NNT: variants seen among roughly 807,000 people sequenced by gnomAD.
NNT encodes the protein NAD(P) transhydrogenase, mitochondrial.
Under a neutral mutation model 104.8 loss-of-function variants are expected in NNT, and 50 were observed. The observed-to-expected ratio is 0.48, with a 90% CI of 0.38 to 0.60. The LOEUF (loss-of-function observed/expected upper bound fraction) is 0.60. NNT is among the 20% of genes least tolerant of loss of function. NNT has a pLI of 0.00. For missense variants in NNT, 1,131 were observed against 1,330.7 expected (o/e 0.85, Z 2.33); for synonymous variants, 461 against 490.4 (o/e 0.94, Z 0.79).
chr5:43,613,247 CAG>C, intron 3 of NNT, 110 bp downstream of exon 3: 1 of 844,334 alleles, frequency 1.2e-6, no homozygotes, highest in African/African-American at 1.7e-5. Context: ...TATTTTCAAA[CAG>C]TGTATTTTTC....
Position 43,677,854 on chromosome 5 carries a change from T to C in NNT, c.2876+48T>C, listed in dbSNP as rs377216850. The C allele has an allele frequency of 1.5e-5, 22 of 1,456,372 alleles. No homozygotes were observed. In the African/African-American group the frequency reaches 2.9e-4, roughly 19 times the overall value. The allele number at this position is 1,456,372 out of a possible 1,614,324, so 90.2% of individuals were successfully genotyped here. ...CTTGCACTATGTGTAAAGATGTGTG[T>C]GTGGAGAAAAGGAAATACAGTGGAC... is the stretch of plus-strand genomic sequence containing the variant. On this transcript the variant is annotated intron_variant, in intron 19 of 21. Transcript: ENST00000344920.
At chr5:43,609,820 G>T (rs535897738) in intron 2 of NNT, among the ~76,000 whole-genome samples, 17 of 152,168 alleles carry the variant, frequency 1.1e-4, no homozygotes, top group Non-Finnish European at 2.5e-4. Flanking sequence ...CTCCTAGTAG[G>T]TATAGGTCAG....
intron 2 of NNT, among the ~76,000 whole-genome samples, chr5:43,612,496 G>A (rs1749552890): frequency 6.6e-6 from 1 of 152,200 alleles, no homozygotes; most frequent in Admixed American, 6.5e-5. Flanking sequence ...CTAGGATACA[G>A]TTGTTCTTCA....
chr5:43,649,388 T>C, intron 11 of NNT, 80 bp downstream of exon 11: 1 of 1,495,244 alleles, frequency 6.7e-7, no homozygotes, highest in Non-Finnish European at 9.2e-7. Context: ...ATGCCGTTTA[T>C]AAAGTGTGTT....
chr5:43,604,316 A>G lies in NNT; in HGVS notation c.-54+1022A>G, dbSNP rs142839934. 1.0e-3 allele frequency among the ~76,000 whole-genome samples: 158 copies of G among 152,232 alleles called. 1 individual carries two copies. Among genetic ancestry groups the G allele is most frequent in the South Asian group, 2.1e-3 (10 of 4,818 alleles). On this transcript the variant is annotated intron_variant, in intron 1 of 21. Coordinates refer to ENST00000344920, the MANE Select transcript of NNT (RefSeq NM_182977.3). The stretch of plus-strand genomic sequence containing the variant: ...GCTTAGGTGCCTACCTACTCTTCTT[A>G]TTTAAAGTGTGCCCCTTTTCTTCAT...
At chr5:43,659,998 C>T (rs2111970292) in intron 17 of NNT, among the ~76,000 whole-genome samples, 1 of 152,168 alleles carries the variant, frequency 6.6e-6, no homozygotes, top group South Asian at 2.1e-4. Flanking sequence ...AACTTATATA[C>T]TATATTGTTG....
chr5:43,641,555 ATGTAT>A (rs1397717115), intron 7 of NNT, among the ~76,000 whole-genome samples: 1 of 152,126 alleles, frequency 6.6e-6, no homozygotes, highest in Non-Finnish European at 1.5e-5. Context: ...TGTATCATAT[ATGTAT>A]TGTATTATGT....
intron 17 of NNT, among the ~76,000 whole-genome samples, chr5:43,661,329 A>G (rs1740344358): frequency 6.6e-6 from 1 of 152,178 alleles, no homozygotes; most frequent in South Asian, 2.1e-4. Context: ...AATTTGAATG[A>G]CCAGCAGGGG....
At chr5:43,624,871 C>G (rs992007997) in intron 6 of NNT, among the ~76,000 whole-genome samples, 2 of 152,086 alleles carry the variant, frequency 1.3e-5, no homozygotes, top group African/African-American at 4.8e-5. Flanking sequence ...AGGAATAATA[C>G]TACTGTTAAT....
intron 19 of NNT, among the ~76,000 whole-genome samples, chr5:43,694,901 C>G (rs918089890): frequency 1.3e-4 from 20 of 151,966 alleles, no homozygotes; most frequent in Admixed American, 8.5e-4. Flanking sequence ...CTTTGTACAT[C>G]TGGTAGATTT....
intron 10 of NNT, chr5:43,648,203 T>C (rs190740154): frequency 9.4e-7 from 1 of 1,068,694 alleles, no homozygotes; most frequent in Non-Finnish European, 1.1e-6. Flanking sequence ...AAATTAAAAC[T>C]ACAGTCATAT....
intron 7 of NNT, among the ~76,000 whole-genome samples, chr5:43,642,441 C>T (rs907519989): frequency 3.3e-5 from 5 of 152,184 alleles, no homozygotes; most frequent in Non-Finnish European, 5.9e-5. Flanking sequence ...GATTACAGTA[C>T]GGAGGGTAGA....
chr5:43,604,310 C>T (rs1354076081), intron 1 of NNT, among the ~76,000 whole-genome samples: 2 of 152,172 alleles, frequency 1.3e-5, no homozygotes, highest in Non-Finnish European at 2.9e-5. Flanking sequence ...CCTACCTACT[C>T]TTCTTATTTA....
chr5:43,694,284 C>T (rs982667210), intron 19 of NNT, among the ~76,000 whole-genome samples: 2 of 152,088 alleles, frequency 1.3e-5, no homozygotes, highest in Non-Finnish European at 2.9e-5. Flanking sequence ...TTTCTCTTGC[C>T]TGATTGCTCT....
At chr5:43,616,955 C>A (rs1184813537) in intron 4 of NNT, among the ~76,000 whole-genome samples, 1 of 152,058 alleles carries the variant, frequency 6.6e-6, no homozygotes, top group Non-Finnish European at 1.5e-5. Context: ...TTTAAAAAAA[C>A]AGTGCATAAA....
chr5:43,675,185 T>G (rs1741344972), intron 17 of NNT, among the ~76,000 whole-genome samples: 1 of 152,218 alleles, frequency 6.6e-6, no homozygotes, highest in South Asian at 2.1e-4. Context: ...CAATCAGCAT[T>G]CAGACAGTAA....
intron 19 of NNT, among the ~76,000 whole-genome samples, chr5:43,679,561 T>C (rs1741593518): frequency 6.6e-6 from 1 of 151,984 alleles, no homozygotes; most frequent in Non-Finnish European, 1.5e-5. Context: ...TCAAAGGAAA[T>C]AAGAGAGATG....
chr5:43,706,454 T>C lies in NNT; in HGVS notation c.*2050T>C, dbSNP rs746565356. The C allele has an allele frequency of 2.0e-5, 3 of 151,816 alleles. No individual in the cohort carries two copies. Among genetic ancestry groups the C allele is most frequent in the Admixed American group, 6.6e-5 (1 of 15,250 alleles). The allele number at this position is 151,816 out of a possible 1,614,324, so 9.4% of individuals were successfully genotyped here. A position where few individuals can be genotyped will look rare whatever the true frequency, so the allele number is the denominator to read the frequency against. ...AATTAAAAAAATTTATTGTACCTTA[T>C]AGTCTGTCACCAAAAAAAAAAAATT... is the stretch of plus-strand genomic sequence containing the variant. On this transcript the variant is annotated 3_prime_UTR_variant, in exon 22 of 22. Coordinates refer to ENST00000344920, the MANE Select transcript of NNT (RefSeq NM_182977.3).
intron 19 of NNT, among the ~76,000 whole-genome samples, chr5:43,680,263 G>A (rs1314387056): frequency 2.0e-5 from 3 of 152,048 alleles, no homozygotes; most frequent in East Asian, 1.9e-4. Flanking sequence ...ATACATAGAT[G>A]CTAGCTTTTT....
Sources: allele counts gnomAD v4.1 joint callset (sites outside exome capture counted in the v4.1 genomes callset), GRCh38; gene constraint gnomAD v4.1.1; transcripts MANE v1.5; gene names NCBI Gene and HGNC (gene_info 2026-07-23, HGNC 2026-07-21).